AFTPH: variants seen among roughly 807,000 people sequenced by gnomAD.
AFTPH encodes the protein aftiphilin.
A neutral mutation model predicts 72.5 loss-of-function variants in AFTPH; 7 were observed. The ratio of observed to expected loss-of-function variants is 0.10; its 90% CI spans 0.05 to 0.18. The LOEUF (loss-of-function observed/expected upper bound fraction) is 0.18. Among genes scored for constraint, AFTPH ranks in the 10% least tolerant of loss-of-function variants. AFTPH has a pLI of 1.00. For missense variants in AFTPH, 979 were observed against 1,060.5 expected (o/e 0.92, Z 1.07); for synonymous variants, 337 against 370.1 (o/e 0.91, Z 1.03).
At chr2:64,559,229 G>T (rs1050791064) in intron 2 of AFTPH, among the ~76,000 whole-genome samples, 1 of 145,070 alleles carries the variant, frequency 6.9e-6, no homozygotes, top group Admixed American at 6.6e-5. Flanking sequence ...TAAAATAGAG[G>T]TGTATTAGAG....
chr2:64,549,804 T>G (rs1346549490), intron 1 of AFTPH, among the ~76,000 whole-genome samples: 2 of 152,184 alleles, frequency 1.3e-5, no homozygotes, highest in Non-Finnish European at 2.9e-5. Flanking sequence ...CACCTTACAT[T>G]TTTGCTTTAC....
chr2:64,578,248 A>ACCTAC (rs1185491345), intron 6 of AFTPH, among the ~76,000 whole-genome samples: 1 of 152,192 alleles, frequency 6.6e-6, no homozygotes, highest in African/African-American at 2.4e-5. Flanking sequence ...AAGTGATCTT[A>ACCTAC]CCTACCTACG....
At chr2:64,528,774 A>G (rs1669431792) in intron 1 of AFTPH, among the ~76,000 whole-genome samples, 1 of 152,164 alleles carries the variant, frequency 6.6e-6, no homozygotes, top group Admixed American at 6.5e-5. Context: ...GATCAGAGTT[A>G]GAGGGTGAGA....
At position 64,570,914 on chromosome 2, in the gene AFTPH, C is replaced by T. The variant is rs896727369; in HGVS notation, c.2271+1235C>T. Among the ~76,000 whole-genome samples, 3 of 56,214 alleles carry T rather than the reference C, an allele frequency of 5.3e-5. No homozygotes were observed. The Admixed American group carries it at 5.4e-4, about 10-fold the overall frequency. 36.9% of individuals were successfully genotyped at this position (56,214 alleles called of 152,430 possible). On this transcript the variant is annotated intron_variant, in intron 5 of 8. Coordinates refer to ENST00000238856, the Ensembl canonical transcript of AFTPH. ...CTTTTTTTCCCACTTCTTTCCTCCCCTCCCCCCCCCCCCCACCTTTTTTCC... is the reference window on the plus strand; with the variant it reads ...CTTTTTTTCCCACTTCTTTCCTCCCTTCCCCCCCCCCCCCACCTTTTTTCC...
chr2:64,555,731 G>GTT (rs1159549735), intron 2 of AFTPH, among the ~76,000 whole-genome samples: 8 of 152,308 alleles, frequency 5.3e-5, no homozygotes, highest in Non-Finnish European at 1.0e-4. Flanking sequence ...TGGGAAGAAA[G>GTT]TTGAAGTAGT....
chr2:64,546,000 C>CCCCTGCTTCA, intron 1 of AFTPH, among the ~76,000 whole-genome samples: 1 of 152,056 alleles, frequency 6.6e-6, no homozygotes, highest in African/African-American at 2.4e-5. Context: ...TCAAGCAATT[C>CCCCTGCTTCA]TCCTGCTTCA....
chr2:64,580,699 T>C (rs1192736898), intron 7 of AFTPH: 1 of 152,736 alleles, frequency 6.5e-6, no homozygotes, highest in Non-Finnish European at 1.5e-5. Context: ...TGTTATTTTA[T>C]TTTAAACTAA....
At chr2:64,573,151 A>T in intron 6 of AFTPH, 83 bp downstream of exon 6, 1 of 1,047,040 alleles carries the variant, frequency 9.6e-7, no homozygotes, top group Middle Eastern at 2.2e-4. Flanking sequence ...TCCTTCATTT[A>T]TGACTGTTTT....
chr2:64,536,973 A>AAG (rs1300640991), intron 1 of AFTPH, among the ~76,000 whole-genome samples: 1 of 133,330 alleles, frequency 7.5e-6, no homozygotes, highest in Non-Finnish European at 1.6e-5. Flanking sequence ...AAAAAAAAAA[A>AAG]AAGAAGAAGA....
chr2:64,573,115 AC>A (rs1672547849), intron 6 of AFTPH, 47 bp downstream of exon 6: 1 of 1,391,666 alleles, frequency 7.2e-7, no homozygotes, highest in Non-Finnish European at 1.0e-6. Context: ...GTGTATATAC[AC>A]ATATATCCAC....
At chr2:64,524,928 C>T (rs1056752326) in intron 1 of AFTPH, among the ~76,000 whole-genome samples, 3 of 152,254 alleles carry the variant, frequency 2.0e-5, no homozygotes, top group Non-Finnish European at 2.9e-5. Context: ...CTTCCACCTC[C>T]CAAAGCTCCG....
chr2:64,524,553 G>T, exon 1 of AFTPH: 2 of 399,126 alleles, frequency 5.0e-6, no homozygotes, highest in Non-Finnish European at 4.4e-6. Flanking sequence ...CTTCCCCGGG[G>T]AGTCAGTTCC....
chr2:64,536,657 A>G (rs377253897), intron 1 of AFTPH, among the ~76,000 whole-genome samples: 4 of 151,896 alleles, frequency 2.6e-5, no homozygotes, highest in African/African-American at 9.6e-5. Context: ...TAGGAGAATC[A>G]AAAGAGAATT....
In AFTPH at chr2:64,547,247, A is replaced by G. The variant is rs75457726; in HGVS notation, c.-32-4196A>G. On this transcript the variant is annotated intron_variant, in intron 1 of 8. Transcript: ENST00000238856. ...CTTTATTCTTCTTCTTCAATCTGAA[A>G]CAGGTTTTCAGTCTTTCCTTGACTT... 1.5e-4 allele frequency among the ~76,000 whole-genome samples: 23 copies of G among 152,304 alleles called. No homozygotes were observed. The East Asian group carries it at 4.0e-3, about 27-fold the overall frequency.
At chr2:64,542,970 TCAAA>T (rs1271110445) in intron 1 of AFTPH, among the ~76,000 whole-genome samples, 5 of 152,218 alleles carry the variant, frequency 3.3e-5, no homozygotes, top group South Asian at 2.1e-4. Flanking sequence ...GTACATATTA[TCAAA>T]CAGTTTTCCG....
intron 2 of AFTPH, among the ~76,000 whole-genome samples, chr2:64,555,559 A>T (rs1432952861): frequency 8.7e-5 from 8 of 92,470 alleles, no homozygotes; most frequent in South Asian, 3.4e-4. Flanking sequence ...AGACTGTCAC[A>T]CACACACACA....
intron 2 of AFTPH, among the ~76,000 whole-genome samples, chr2:64,556,350 T>C (rs1465391447): frequency 1.3e-5 from 2 of 152,234 alleles, no homozygotes; most frequent in Non-Finnish European, 2.9e-5. Flanking sequence ...AATGATTTAT[T>C]TCTGTTCAAT....
intron 6 of AFTPH, among the ~76,000 whole-genome samples, chr2:64,577,320 T>C (rs1344157286): frequency 6.6e-6 from 1 of 151,594 alleles, no homozygotes; most frequent in Non-Finnish European, 1.5e-5. Context: ...GTTTTAGTCT[T>C]TTTTTGCTTC....
intron 7 of AFTPH, 81 bp from the exon 8 acceptor site, chr2:64,581,109 T>TA: frequency 1.1e-6 from 1 of 874,178 alleles, no homozygotes; most frequent in Non-Finnish European, 1.8e-6. Context: ...GTGTGTGTCT[T>TA]ACCCCTTTTT....
Sources: gnomAD v4.1 joint callset for allele counts (sites outside exome capture counted in the v4.1 genomes callset) on GRCh38, gnomAD v4.1.1 for gene constraint, MANE v1.5 for transcripts, NCBI Gene and HGNC (gene_info 2026-07-23, HGNC 2026-07-21) for gene names.